ACAT1: variants seen among roughly 807,000 people sequenced by gnomAD.
ACAT1 encodes the protein acetyl-CoA acetyltransferase 1, also known as acetyl-CoA acetyltransferase, mitochondrial.
ACAT1 carries 28 observed loss-of-function variants against 47.3 expected under a neutral mutation model. That is an observed-to-expected ratio of 0.59 (90% confidence interval 0.44 to 0.81). ACAT1 has a LOEUF of 0.81. Among genes scored for constraint, ACAT1 ranks in the 30% least tolerant of loss-of-function variants. The pLI is 0.00. For synonymous variants in ACAT1, 181 were observed against 173.6 expected, an observed-to-expected ratio of 1.04 and a Z score of -0.34; for missense variants, 469 against 524.3, an observed-to-expected ratio of 0.89 and a Z score of 1.03.
In ACAT1 at chr11:108,144,315, A is replaced by G. The variant is rs533767371; in HGVS notation, c.1005+268A>G. 11 of 473,302 alleles carry G rather than the reference A, an allele frequency of 2.3e-5. No homozygotes were observed. In the South Asian group the frequency reaches 2.6e-4, roughly 11 times the overall value. The allele number at this position is 473,302 out of a possible 1,614,324, so 29.3% of individuals were successfully genotyped here. A position where few individuals can be genotyped will look rare whatever the true frequency, so the allele number is the denominator to read the frequency against. On this transcript the variant is annotated intron_variant, in intron 10 of 11. Transcript: ENST00000265838. ...TACTTGTAAGTATCATACAGAACTC[A>G]CACACCTGGTGTGGTAACCACAAAG...
chr11:108,141,539 TACA>T (rs2077586294), intron 7 of ACAT1, 63 bp from the exon 8 acceptor site: 1 of 1,235,954 alleles, frequency 8.1e-7, no homozygotes, highest in Admixed American at 1.8e-5. Flanking sequence ...AGGCATCTTG[TACA>T]ACAGTTGCTT....
intron 1 of ACAT1, among the ~76,000 whole-genome samples, chr11:108,130,748 T>G (rs1337613601): frequency 1.3e-5 from 2 of 150,804 alleles, no homozygotes; most frequent in African/African-American, 2.4e-5. Flanking sequence ...GTTGTCAGAA[T>G]TAATTAATTA....
At chr11:108,138,743 G>T (rs369559865) in intron 5 of ACAT1, 155 bp from the exon 6 acceptor site, 4 of 861,266 alleles carry the variant, frequency 4.6e-6, no homozygotes, top group African/African-American at 1.7e-5. Context: ...TTTCATCAGG[G>T]TGAAGTGGTA....
chr11:108,129,539 T>G (rs770213061), intron 1 of ACAT1, among the ~76,000 whole-genome samples: 1 of 152,062 alleles, frequency 6.6e-6, no homozygotes, highest in Non-Finnish European at 1.5e-5. Context: ...CAGCTAATTT[T>G]TGTATTTTTA....
intron 10 of ACAT1, chr11:108,144,271 TA>T: frequency 1.8e-6 from 1 of 566,576 alleles, no homozygotes; most frequent in Non-Finnish European, 3.1e-6. Flanking sequence ...GTAGAACAGG[TA>T]AAACTACACA....
intron 7 of ACAT1, 30 bp downstream of exon 7, chr11:108,140,245 A>T (rs746123275): frequency 6.2e-7 from 1 of 1,613,194 alleles, no homozygotes; most frequent in African/African-American, 1.3e-5. Flanking sequence ...AAGGATGAAT[A>T]GACTTTTCAT....
chr11:108,127,597 G>A (rs1288822442), intron 1 of ACAT1, among the ~76,000 whole-genome samples: 2 of 152,014 alleles, frequency 1.3e-5, no homozygotes, highest in Non-Finnish European at 2.9e-5. Flanking sequence ...CCATGGGACT[G>A]GATATAACTA....
At chr11:108,130,799 G>A (rs2135320842) in intron 1 of ACAT1, among the ~76,000 whole-genome samples, 1 of 152,248 alleles carries the variant, frequency 6.6e-6, no homozygotes, top group Non-Finnish European at 1.5e-5. Flanking sequence ...TCCCAGGCTG[G>A]AGTGCAGTGG....
chr11:108,123,054 A>C (rs911430854), intron 1 of ACAT1, among the ~76,000 whole-genome samples: 6 of 143,402 alleles, frequency 4.2e-5, no homozygotes, highest in Non-Finnish European at 7.7e-5. Flanking sequence ...GTGAAGCCCC[A>C]CCTCTATTAA....
chr11:108,144,140 C>A, intron 10 of ACAT1, 93 bp downstream of exon 10: 2 of 1,397,746 alleles, frequency 1.4e-6, no homozygotes, highest in Non-Finnish European at 1.0e-6. Context: ...ATGTTATCTG[C>A]CAAAGCAGAG....
At chr11:108,146,627 T>TTA (rs979822633) in intron 11 of ACAT1, among the ~76,000 whole-genome samples, 1 of 152,190 alleles carries the variant, frequency 6.6e-6, no homozygotes, top group African/African-American at 2.4e-5. Flanking sequence ...ATTTATTTCA[T>TTA]TAGCTTTAGG....
chr11:108,130,976 C>T (rs188257592), intron 1 of ACAT1, among the ~76,000 whole-genome samples: 1 of 152,216 alleles, frequency 6.6e-6, no homozygotes, highest in Admixed American at 6.5e-5. Context: ...TGATCTCTAA[C>T]TCCTGACCTC....
At chr11:108,121,533 C>T, upstream of ACAT1, 1 of 1,481,206 alleles carries the variant, frequency 6.8e-7, no homozygotes, top group East Asian at 2.5e-5. Context: ...CCGCGCCGGG[C>T]CGCTAGGGGT....
Position 108,146,296 on chromosome 11 carries a change from T to C in ACAT1, c.1100T>C (p.Leu367Ser). 6.2e-7 allele frequency: 1 copy of C among 1,614,080 alleles called. No homozygotes were observed. The highest frequency in any genetic ancestry group is 8.5e-7 in the Non-Finnish European group (1 of 1,179,960). Residue 367 changes from leucine to serine, a missense_variant, in exon 11 of 12, where the codon TTG (leucine) becomes TCG (serine). Coordinates refer to ENST00000265838, the MANE Select transcript of ACAT1 (RefSeq NM_000019.4). ...GTTGTACTAGCAAACATTAAAATGT[T>C]GGAGATTGATCCCCAAAAAGTGAAT... is the stretch of plus-strand genomic sequence containing the variant. ...SLVVLANIKM[L>S]EIDPQKVNIN... is the part of the protein sequence containing the mutation.
intron 5 of ACAT1, chr11:108,138,585 C>T (rs965409218): frequency 1.7e-5 from 6 of 351,414 alleles, no homozygotes; most frequent in East Asian, 7.1e-5. Context: ...TTAGTAGAGA[C>T]GGGGTTTCAC....
At chr11:108,126,143 C>A (rs2077243581) in intron 1 of ACAT1, among the ~76,000 whole-genome samples, 1 of 152,048 alleles carries the variant, frequency 6.6e-6, no homozygotes. Flanking sequence ...GCTGGGACTA[C>A]AGGTGCCCAC....
chr11:108,147,178 A>G, intron 11 of ACAT1, 92 bp from the exon 12 acceptor site: 1 of 1,472,118 alleles, frequency 6.8e-7, no homozygotes, highest in Non-Finnish European at 9.3e-7. Context: ...GTGGCTAGTA[A>G]GGTTTTCAAG....
At chr11:108,143,145 GA>G (rs775377676) in intron 9 of ACAT1, 1 of 153,096 alleles carries the variant, frequency 6.5e-6, no homozygotes, top group Non-Finnish European at 1.5e-5. Flanking sequence ...CCCCACCTCT[GA>G]AAGAAAAAAA....
intron 1 of ACAT1, among the ~76,000 whole-genome samples, chr11:108,122,501 A>G (rs2077171042): frequency 6.6e-6 from 1 of 152,208 alleles, no homozygotes; most frequent in Admixed American, 6.5e-5. Flanking sequence ...ACTTGACCCT[A>G]GTTAAGTAGG....
Sources: allele counts gnomAD v4.1 joint callset (sites outside exome capture counted in the v4.1 genomes callset), GRCh38; gene constraint gnomAD v4.1.1; transcripts MANE v1.5; gene names NCBI Gene and HGNC (gene_info 2026-07-23, HGNC 2026-07-21).